The following CDH11 variants were observed in gnomAD, a reference collection of about 807,000 sequenced individuals.
CDH11 encodes cadherin 11, also known as cadherin-11.
In CDH11, 11 loss-of-function variants were observed where a neutral mutation model predicts 67.8. The observed-to-expected ratio is 0.16, with a 90% CI of 0.10 to 0.27. The LOEUF is 0.27. CDH11 is among the 10% of genes least tolerant of loss of function. CDH11 has a pLI of 1.00. For missense variants in CDH11, 847 were observed against 1,031.2 expected (o/e 0.82, Z 2.45); for synonymous variants, 419 against 400.0 (o/e 1.05, Z -0.57).
chr16:65,087,677 T>G (rs545169420), intron 1 of CDH11, among the ~76,000 whole-genome samples: 137 of 152,278 alleles, frequency 9.0e-4, no homozygotes, highest in African/African-American at 3.2e-3. Flanking sequence ...TTGCTATGAC[T>G]GAGAAAATGA....
intron 2 of CDH11, among the ~76,000 whole-genome samples, chr16:65,047,253 A>G (rs184470051): frequency 1.3e-5 from 2 of 152,346 alleles, no homozygotes; most frequent in African/African-American, 4.8e-5. Context: ...AACTGACAAT[A>G]GTGGCTTCCA....
chr16:65,112,808 G>C (rs1462832371), intron 1 of CDH11, among the ~76,000 whole-genome samples: 1 of 152,174 alleles, frequency 6.6e-6, no homozygotes, highest in Non-Finnish European at 1.5e-5. Flanking sequence ...ATCAAACAGC[G>C]TATGAAATGA....
intron 2 of CDH11, among the ~76,000 whole-genome samples, chr16:65,009,137 C>T (rs141153190): frequency 6.6e-6 from 1 of 152,202 alleles, no homozygotes; most frequent in African/African-American, 2.4e-5. Context: ...TAAGAGAAGG[C>T]TGCAGGTCAA....
intron 8 of CDH11, among the ~76,000 whole-genome samples, chr16:64,979,369 C>A (rs1368539115): frequency 1.3e-5 from 2 of 152,110 alleles, no homozygotes; most frequent in Non-Finnish European, 2.9e-5. Context: ...CTCGCCCGAG[C>A]CTGGGAAGCA....
chr16:65,058,565 T>C (rs2142732852), intron 1 of CDH11, among the ~76,000 whole-genome samples: 1 of 152,326 alleles, frequency 6.6e-6, no homozygotes, highest in Non-Finnish European at 1.5e-5. Context: ...GAACGGATGA[T>C]TAAACTCAGT....
chr16:65,030,772 A>G lies in CDH11; in HGVS notation c.-173+23032T>C, dbSNP rs1317019807. 2.6e-5 allele frequency among the ~76,000 whole-genome samples: 4 copies of G among 152,130 alleles called. No individual in the cohort carries two copies. In the East Asian group the frequency reaches 7.7e-4, roughly 29 times the overall value. On this transcript the variant is annotated intron_variant, in intron 2 of 12. Transcript: ENST00000268603. ...TTTTAGTAGTTTCACCATGTTGCAC[A>G]GGCTTGTCTCAAACTCCTGAGCTCA...
intron 11 of CDH11, among the ~76,000 whole-genome samples, chr16:64,958,370 G>A (rs1365911311): frequency 1.3e-5 from 2 of 150,690 alleles, no homozygotes; most frequent in Non-Finnish European, 2.9e-5. Flanking sequence ...TTTTGCTTTT[G>A]CTAAATATCT....
At chr16:65,105,016 G>C (rs1254729712) in intron 1 of CDH11, among the ~76,000 whole-genome samples, 5 of 152,142 alleles carry the variant, frequency 3.3e-5, no homozygotes, top group African/African-American at 1.2e-4. Flanking sequence ...TTTAAAATCA[G>C]TTCCTGCATG....
rs1948753487 is a variant in CDH11, at chr16:64,946,667, GACA to G, written c.*933_*935del. 3 of 971,684 alleles carry G rather than the reference GACA, an allele frequency of 3.1e-6. No individual in the cohort carries two copies. The highest frequency in any genetic ancestry group is 5.8e-5 in the Admixed American group (1 of 17,286). The allele number at this position is 971,684 out of a possible 1,614,324, so 60.2% of individuals were successfully genotyped here. A position where few individuals can be genotyped will look rare whatever the true frequency, so the allele number is the denominator to read the frequency against. On this transcript the variant is annotated 3_prime_UTR_variant, in exon 13 of 13. Transcript: ENST00000268603. The stretch of plus-strand genomic sequence containing the variant: ...AAATAAACAATAAAAGCAGCAGACA[GACA>G]ACAACAGATCATAAATAGGGTTATT...
intron 1 of CDH11, among the ~76,000 whole-genome samples, chr16:65,096,258 A>G (rs1251060013): frequency 6.6e-6 from 1 of 152,092 alleles, no homozygotes; most frequent in Non-Finnish European, 1.5e-5. Context: ...TAGCGCCTTG[A>G]TCTTGGACTT....
At chr16:64,962,413 G>T (rs117621582) in intron 11 of CDH11, among the ~76,000 whole-genome samples, 1 of 152,106 alleles carries the variant, frequency 6.6e-6, no homozygotes, top group Non-Finnish European at 1.5e-5. Context: ...TAGATACAGA[G>T]AATCGAACTT....
chr16:64,948,264 T>C (rs145897837), intron 12 of CDH11, among the ~76,000 whole-genome samples, 165 bp from the exon 13 acceptor site: 46 of 152,272 alleles, frequency 3.0e-4, no homozygotes, highest in African/African-American at 9.4e-4. Context: ...ATGTGTAAAA[T>C]TGACCCCTGC....
intron 1 of CDH11, among the ~76,000 whole-genome samples, chr16:65,086,058 C>T (rs764718509): frequency 1.2e-4 from 19 of 152,080 alleles, no homozygotes; most frequent in Admixed American, 3.9e-4. Flanking sequence ...AGAGTCCAGA[C>T]CATTACCTTC....
chr16:65,112,834 G>A (rs771188224), intron 1 of CDH11, among the ~76,000 whole-genome samples: 12 of 152,120 alleles, frequency 7.9e-5, no homozygotes, highest in Non-Finnish European at 1.5e-4. Context: ...GACTGATCAC[G>A]AACTTCCAAA....
intron 1 of CDH11, among the ~76,000 whole-genome samples, chr16:65,085,636 C>T (rs1046144700): frequency 2.0e-5 from 3 of 152,150 alleles, no homozygotes; most frequent in Non-Finnish European, 4.4e-5. Flanking sequence ...GATTCTATTG[C>T]TACAGAGATC....
At position 65,037,512 on chromosome 16, in the gene CDH11, G is replaced by C. The variant is rs112682476; in HGVS notation, c.-173+16292C>G. Among the ~76,000 whole-genome samples, 46 of 152,258 alleles carry C rather than the reference G, an allele frequency of 3.0e-4. No individual in the cohort carries two copies. In the Middle Eastern group the frequency reaches 0.02, roughly 68 times the overall value. ...GGAGCCTTCCTTTGTGACAGTCATTGGTTTAAGTGCATTAGAATTAAAACA... is the reference window on the plus strand; with the variant it reads ...GGAGCCTTCCTTTGTGACAGTCATTCGTTTAAGTGCATTAGAATTAAAACA... On this transcript the variant is annotated intron_variant, in intron 2 of 12. Transcript: ENST00000268603.
At chr16:65,032,982 T>C (rs1352334029) in intron 2 of CDH11, among the ~76,000 whole-genome samples, 1 of 152,200 alleles carries the variant, frequency 6.6e-6, no homozygotes, top group African/African-American at 2.4e-5. Flanking sequence ...CTCAGACCAA[T>C]CAAGTTTGAG....
intron 2 of CDH11, among the ~76,000 whole-genome samples, chr16:65,019,886 T>G (rs763315361): frequency 2.6e-5 from 4 of 151,598 alleles, no homozygotes; most frequent in Non-Finnish European, 4.4e-5. Flanking sequence ...TTTAACCCTC[T>G]AAACTAGGCC....
At chr16:65,040,744 G>A (rs1212432009) in intron 2 of CDH11, among the ~76,000 whole-genome samples, 1 of 152,152 alleles carries the variant, frequency 6.6e-6, no homozygotes, top group Non-Finnish European at 1.5e-5. Flanking sequence ...TGAGTTTGTA[G>A]AGTGCTTGAA....
Sources: gnomAD v4.1 joint callset for allele counts (sites outside exome capture counted in the v4.1 genomes callset) on GRCh38, gnomAD v4.1.1 for gene constraint, MANE v1.5 for transcripts, NCBI Gene and HGNC (gene_info 2026-07-23, HGNC 2026-07-21) for gene names.